The following UBAC2 variants were observed in gnomAD, a reference collection of about 807,000 sequenced individuals.
UBAC2 encodes the protein ubiquitin-associated domain-containing protein 2.
UBAC2 carries 26 observed loss-of-function variants against 44.0 expected under a neutral mutation model. That is an observed-to-expected ratio of 0.59 (90% CI 0.43 to 0.82). UBAC2 has a LOEUF of 0.82. Among genes scored for constraint, UBAC2 ranks in the 40% least tolerant of loss-of-function variants. The pLI is 0.00. For synonymous variants in UBAC2, 155 were observed against 154.3 expected, an observed-to-expected ratio of 1.00 and a Z score of -0.04; for missense variants, 329 against 419.4, an observed-to-expected ratio of 0.78 and a Z score of 1.88.
chr13:99,306,138 C>CGCCTGCCTCGGCCT, intron 4 of UBAC2, among the ~76,000 whole-genome samples: 1 of 152,200 alleles, frequency 6.6e-6, no homozygotes, highest in East Asian at 1.9e-4. Context: ...TCAGGTGATC[C>CGCCTGCCTCGGCCT]GCCTGCCTCG....
chr13:99,357,606 C>A (rs1448704643), intron 7 of UBAC2, among the ~76,000 whole-genome samples: 1 of 152,222 alleles, frequency 6.6e-6, no homozygotes, highest in Non-Finnish European at 1.5e-5. Context: ...TTGCAAATAA[C>A]TGTCTTCTAT....
At chr13:99,376,411 G>T (rs758381056) in intron 8 of UBAC2, among the ~76,000 whole-genome samples, 3 of 152,102 alleles carry the variant, frequency 2.0e-5, no homozygotes, top group Non-Finnish European at 4.4e-5. Context: ...CCTCCAAGAG[G>T]GTCTTCATCC....
At chr13:99,228,778 A>G (rs1011747411) in intron 1 of UBAC2, among the ~76,000 whole-genome samples, 1 of 152,124 alleles carries the variant, frequency 6.6e-6, no homozygotes, top group Non-Finnish European at 1.5e-5. Context: ...ACTCGGTTAG[A>G]TTTTAGATTC....
Position 99,295,242 on chromosome 13 carries a change from A to T in UBAC2, c.390-18855A>T, listed in dbSNP as rs1191502727. 1.2e-6 allele frequency: 2 copies of T among 1,614,046 alleles called. No homozygotes were observed. The highest frequency in any genetic ancestry group is 1.7e-6 in the Non-Finnish European group (2 of 1,180,010). ...AAGAAGTAGATAAAAGGGTCCATGCAGCAATTGAAGTTCATCAGGCATACT... is the reference window on the plus strand; with the variant it reads ...AAGAAGTAGATAAAAGGGTCCATGCTGCAATTGAAGTTCATCAGGCATACT... On this transcript the variant is annotated intron_variant, in intron 4 of 8. Transcript: ENST00000403766. The surrounding 1 kb of genome is among the most constrained non-coding windows in gnomAD (Gnocchi z 4.1).
intron 2 of UBAC2, among the ~76,000 whole-genome samples, chr13:99,240,604 A>T (rs1594035155): frequency 6.6e-6 from 1 of 152,158 alleles, no homozygotes; most frequent in South Asian, 2.1e-4. Flanking sequence ...GGACATTGGT[A>T]AAGTCCTTGG....
At position 99,295,527 on chromosome 13, in the gene UBAC2, G is replaced by A; in HGVS notation, c.390-18570G>A. 1 of 1,613,956 alleles carries A rather than the reference G, an allele frequency of 6.2e-7. No individual in the cohort carries two copies. The highest frequency in any genetic ancestry group is 1.7e-5 in the Admixed American group (1 of 60,014). On this transcript the variant is annotated intron_variant, in intron 4 of 8. Transcript: ENST00000403766. This position sits in a 1 kb window ranked among gnomAD's most constrained non-coding sequence, Gnocchi z 4.1. The stretch of plus-strand genomic sequence containing the variant: ...CAGATGAGAATGATTATAAGTGGAA[G>A]TACATATCCTATGAAACATGCCCCA...
At chr13:99,306,212 T>C (rs2044332361) in intron 4 of UBAC2, among the ~76,000 whole-genome samples, 1 of 152,170 alleles carries the variant, frequency 6.6e-6, no homozygotes, top group South Asian at 2.1e-4. Context: ...AGGGTCTTTA[T>C]GTAAAATATC....
At position 99,310,152 on chromosome 13, in the gene UBAC2, C is replaced by A. The variant is rs77661338; in HGVS notation, c.390-3945C>A. Among the ~76,000 whole-genome samples the A allele has an allele frequency of 6.6e-3, 1,012 of 152,208 alleles. 12 individuals carry two copies. The highest frequency in any genetic ancestry group is 0.027 in the Middle Eastern group (8 of 294). On this transcript the variant is annotated intron_variant, in intron 4 of 8. Transcript: ENST00000403766. ...GATCACTGTGGGGAACACAGCGAGA[C>A]CCTGTTTCTAAAAAAAGTTTAAAAA...
chr13:99,304,572 T>C (rs2044304004), intron 4 of UBAC2, among the ~76,000 whole-genome samples: 1 of 152,230 alleles, frequency 6.6e-6, no homozygotes, highest in South Asian at 2.1e-4. Flanking sequence ...TAATCCTTAA[T>C]GAAAGGTTCT....
At position 99,223,802 on chromosome 13, in the gene UBAC2, A is replaced by G. The variant is rs144628337; in HGVS notation, c.32-14625A>G. 7.4e-3 allele frequency among the ~76,000 whole-genome samples: 1,127 copies of G among 152,006 alleles called. 10 individuals carry two copies. Among genetic ancestry groups the G allele is most frequent in the South Asian group, 0.057 (276 of 4,820 alleles). On this transcript the variant is annotated intron_variant, in intron 1 of 8. Transcript: ENST00000403766. Reference sequence around the variant, plus strand: ...TTTTCACATATTTGGGGGATTTTCCATCTTTCTGCTGTTGGCTTCTGATTT... The same window carrying G: ...TTTTCACATATTTGGGGGATTTTCCGTCTTTCTGCTGTTGGCTTCTGATTT...
intron 2 of UBAC2, among the ~76,000 whole-genome samples, chr13:99,241,563 G>T (rs2043300311): frequency 6.6e-6 from 1 of 152,150 alleles, no homozygotes; most frequent in Non-Finnish European, 1.5e-5. Flanking sequence ...ACATTAAGTA[G>T]AATAGTGTTT....
intron 4 of UBAC2, among the ~76,000 whole-genome samples, chr13:99,252,004 C>T (rs1236972526): frequency 1.3e-5 from 2 of 152,212 alleles, no homozygotes; most frequent in Non-Finnish European, 2.9e-5. Flanking sequence ...CAAGCCCAGT[C>T]CTCCCACCTC....
chr13:99,338,041 T>TTTTTC (rs765023840), intron 6 of UBAC2, among the ~76,000 whole-genome samples: 4,910 of 29,526 alleles, frequency 0.17, 305 homozygotes, highest in Middle Eastern at 0.31. Flanking sequence ...CTTTTTTTCT[T>TTTTTC]TTTTTCTTTT....
intron 1 of UBAC2, among the ~76,000 whole-genome samples, chr13:99,238,081 G>A (rs1356620795): frequency 2.1e-4 from 32 of 152,174 alleles, no homozygotes; most frequent in Non-Finnish European, 4.4e-5. Context: ...GCATGCTCAG[G>A]AGCTAACTGG....
At chr13:99,324,005 T>G (rs778075318) in intron 6 of UBAC2, among the ~76,000 whole-genome samples, 4 of 152,164 alleles carry the variant, frequency 2.6e-5, no homozygotes, top group Non-Finnish European at 5.9e-5. Context: ...AAATCTAGCC[T>G]CCTTTCAAAA....
chr13:99,201,187 G>T (rs1467233912), intron 1 of UBAC2: 2 of 1,400,044 alleles, frequency 1.4e-6, no homozygotes, highest in Non-Finnish European at 9.3e-7. Context: ...ATCCCCAGGT[G>T]CTCTGCCCAG....
intron 7 of UBAC2, among the ~76,000 whole-genome samples, chr13:99,358,985 C>T (rs2045228129): frequency 6.6e-6 from 1 of 152,014 alleles, no homozygotes; most frequent in Non-Finnish European, 1.5e-5. Context: ...CCCATGAAGC[C>T]CTAGGAATGG....
chr13:99,237,254 G>GTATATA (rs142568689), intron 1 of UBAC2, among the ~76,000 whole-genome samples: 179 of 136,480 alleles, frequency 1.3e-3, no homozygotes, highest in Middle Eastern at 0.011. Flanking sequence ...AATTTTATGC[G>GTATATA]TATATATATA....
chr13:99,220,886 G>A (rs1391935028), intron 1 of UBAC2, among the ~76,000 whole-genome samples: 7 of 151,364 alleles, frequency 4.6e-5, no homozygotes, highest in Admixed American at 1.3e-4. Context: ...TTTTTTTTTG[G>A]TAAAAAATTA....
Sources: gnomAD v4.1 joint callset for allele counts (sites outside exome capture counted in the v4.1 genomes callset) on GRCh38, gnomAD v4.1.1 for gene constraint, Gnocchi (gnomAD v3.1) non-coding constraint, MANE v1.5 for transcripts, NCBI Gene and HGNC (gene_info 2026-07-23, HGNC 2026-07-21) for gene names.